Variants in APP observed in about 807,000 individuals in gnomAD.
APP encodes the protein amyloid-beta precursor protein.
Under a neutral mutation model 101.4 loss-of-function variants are expected in APP, and 31 were observed. The observed-to-expected ratio is 0.31, with a 90% CI of 0.23 to 0.41. The LOEUF (loss-of-function observed/expected upper bound fraction) is 0.41, where lower values mean the gene tolerates loss of function less well. Among genes scored for constraint, APP ranks in the 10% least tolerant of loss-of-function variants. The pLI, the probability that APP is intolerant of heterozygous loss-of-function variation, is 1.00. For missense variants in APP, 839 were observed against 1,003.7 expected (o/e 0.84, Z 2.22); for synonymous variants, 366 against 364.4 (o/e 1.00, Z -0.05).
chr21:25,976,692 T>C (rs991879694), intron 9 of APP, among the ~76,000 whole-genome samples: 2 of 152,164 alleles, frequency 1.3e-5, no homozygotes, highest in African/African-American at 4.8e-5. Flanking sequence ...GCAGCAAACA[T>C]GTATTTTTTT....
chr21:26,104,900 C>G (rs1040599347), intron 2 of APP, among the ~76,000 whole-genome samples: 3 of 152,030 alleles, frequency 2.0e-5, no homozygotes, highest in Admixed American at 6.6e-5. Flanking sequence ...AGACTGTTAA[C>G]AGCCACCTCA....
At chr21:25,978,558 A>G (rs1208252726) in intron 9 of APP, among the ~76,000 whole-genome samples, 1 of 152,164 alleles carries the variant, frequency 6.6e-6, no homozygotes, top group Non-Finnish European at 1.5e-5. Context: ...GTGGTACCCA[A>G]TTTTTTATTA....
At position 25,997,374 on chromosome 21, in the gene APP, C is replaced by G. The variant is rs1057524107; in HGVS notation, c.1076G>C (p.Arg359Pro). 3 of 1,613,896 alleles carry G rather than the reference C, an allele frequency of 1.9e-6. No individual in the cohort carries two copies. The highest frequency in any genetic ancestry group is 2.5e-6 in the Non-Finnish European group (3 of 1,179,850). ...LLKTTQEPLA[R>P]DPVKLPTTAA... Reference sequence around the variant, plus strand: ...TGACAACGTACGTTTAACAGGATCTCGGGCAAGAGGTTCCTGGGTAGTCTT... The same window carrying G: ...TGACAACGTACGTTTAACAGGATCTGGGGCAAGAGGTTCCTGGGTAGTCTT... The change falls in exon 8 of 18, where the codon CGA becomes CCA. Residue 359 changes from arginine (R) to proline (P), a missense_variant. Arg to Pro is a moderately radical substitution (Grantham distance 103). Coordinates refer to ENST00000346798, the MANE Select transcript of APP (RefSeq NM_000484.4).
At chr21:26,068,555 CA>C (rs1313229172) in intron 3 of APP, among the ~76,000 whole-genome samples, 2 of 151,912 alleles carry the variant, frequency 1.3e-5, no homozygotes, top group African/African-American at 4.8e-5. Flanking sequence ...TTTGTAGAGA[CA>C]GGGGTCTCGC....
chr21:25,930,892 C>T (rs1340441442), intron 13 of APP, among the ~76,000 whole-genome samples: 1 of 152,202 alleles, frequency 6.6e-6, no homozygotes, highest in African/African-American at 2.4e-5. Context: ...ACAGAAAGCA[C>T]TTCACATGGG....
intron 1 of APP, among the ~76,000 whole-genome samples, chr21:26,153,123 T>C (rs531846496): frequency 3.9e-5 from 6 of 152,240 alleles, no homozygotes; most frequent in African/African-American, 1.2e-4. Context: ...GAGGGACATA[T>C]TGGACTTTAG....
At position 26,054,845 on chromosome 21, in the gene APP, G is replaced by A. The variant is rs113033768; in HGVS notation, c.356-1497C>T. On this transcript the variant is annotated intron_variant, in intron 3 of 17. Coordinates refer to ENST00000346798, the MANE Select transcript of APP (RefSeq NM_000484.4). ...AATGAATGTCTTTCTTTCATAGTAC[G>A]CTATAGGGCATTTTCTGAAATGCAA... Among the ~76,000 whole-genome samples the A allele has an allele frequency of 2.3e-3, 347 of 152,070 alleles. 3 individuals are homozygous for A. The highest frequency in any genetic ancestry group is 7.7e-3 in the African/African-American group (321 of 41,494).
At chr21:25,883,421 G>C (rs941600496) in intron 17 of APP, among the ~76,000 whole-genome samples, 8 of 150,882 alleles carry the variant, frequency 5.3e-5, no homozygotes, top group African/African-American at 2.0e-4. Context: ...AAAAGGCCAG[G>C]TGAGGTGGCT....
rs151010236 is a variant in APP at position 25,905,059 on chromosome 21, C to T, written c.1928G>A (p.Arg643His). 2.2e-5 allele frequency: 36 copies of T among 1,613,664 alleles called. No individual in the cohort carries two copies. Among genetic ancestry groups the T allele is most frequent in the South Asian group, 2.1e-4 (19 of 91,026 alleles). The part of the protein sequence containing the change: ...TENEVEPVDA[R>H]PAADRGLTTR... Reference sequence around the variant, plus strand: ...GGTCAGTCCTCGGTCGGCAGCAGGGCGGGCATCAACAGGCTCAACTGGGCA... The same window carrying T: ...GGTCAGTCCTCGGTCGGCAGCAGGGTGGGCATCAACAGGCTCAACTGGGCA... The change falls in exon 15 of 18, where the codon CGC (arginine) becomes CAC (histidine). Residue 643 changes from arginine (R) to histidine (H), a missense_variant. Physicochemically the swap from Arg to His is conservative, Grantham distance 29 (BLOSUM62 0). Coordinates refer to ENST00000346798, the MANE Select transcript of APP (RefSeq NM_000484.4).
At chr21:25,918,404 C>G (rs572577964) in intron 13 of APP, among the ~76,000 whole-genome samples, 1 of 152,172 alleles carries the variant, frequency 6.6e-6, no homozygotes, top group Non-Finnish European at 1.5e-5. Context: ...GGAACAGCTC[C>G]GGTCTACAGC....
At position 25,895,809 on chromosome 21, in the gene APP, A is replaced by G. The variant is rs559914315; in HGVS notation, c.2064+1764T>C. The stretch of plus-strand genomic sequence containing the variant: ...AAGCAAATCATTAATTAGCTAATAT[A>G]CTAGTGTGAGGTAATCAGGAATAAA... On this transcript the variant is annotated intron_variant, in intron 16 of 17. Transcript: ENST00000346798. Among the ~76,000 whole-genome samples, 14 of 152,342 alleles carry G rather than the reference A, an allele frequency of 9.2e-5. No individual in the cohort carries two copies. The South Asian group carries it at 2.9e-3, about 32-fold the overall frequency.
intron 6 of APP, among the ~76,000 whole-genome samples, chr21:26,010,941 G>A (rs992002242): frequency 2.6e-4 from 39 of 151,992 alleles, no homozygotes; most frequent in African/African-American, 8.7e-4. Flanking sequence ...CAGGTGAATC[G>A]CTTGAACCAT....
intron 13 of APP, chr21:25,934,868 C>T (rs1010521476): frequency 1.3e-5 from 2 of 152,192 alleles, no homozygotes; most frequent in Admixed American, 6.5e-5. Context: ...TCTGAACACC[C>T]GTGTGTTTCA....
chr21:26,013,733 T>C (rs2043923983), intron 6 of APP, among the ~76,000 whole-genome samples: 1 of 152,170 alleles, frequency 6.6e-6, no homozygotes, highest in Non-Finnish European at 1.5e-5. Flanking sequence ...ACTAAACCAC[T>C]GAATTCTCTC....
At chr21:26,072,472 TAAGTTG>T (rs2061425906) in intron 3 of APP, among the ~76,000 whole-genome samples, 2 of 152,320 alleles carry the variant, frequency 1.3e-5, no homozygotes, top group African/African-American at 4.8e-5. Flanking sequence ...AAAATATATT[TAAGTTG>T]AAGTATCTGA....
rs571301823 is a variant in APP at position 26,110,004 on chromosome 21, A to T, written c.225+1975T>A. 8.5e-5 allele frequency among the ~76,000 whole-genome samples: 13 copies of T among 152,340 alleles called. 1 individual carries two copies. In the South Asian group the frequency reaches 2.7e-3, roughly 32 times the overall value. On this transcript the variant is annotated intron_variant, in intron 2 of 17. Coordinates refer to ENST00000346798, the MANE Select transcript of APP (RefSeq NM_000484.4). ...TTCTGATTTATAAAATTTATAACTT[A>T]TCTACACAATTGTACTACAAGAACT...
chr21:25,952,890 C>T (rs575217884), intron 13 of APP, among the ~76,000 whole-genome samples: 9 of 152,226 alleles, frequency 5.9e-5, no homozygotes, highest in Non-Finnish European at 1.2e-4. Flanking sequence ...TTTAAAGGTT[C>T]CTTACTGATG....
At chr21:26,151,150 C>G (rs911401429) in intron 1 of APP, among the ~76,000 whole-genome samples, 1 of 152,158 alleles carries the variant, frequency 6.6e-6, no homozygotes, top group Non-Finnish European at 1.5e-5. Flanking sequence ...GGAAACTTGA[C>G]AGAATTAATG....
chr21:25,881,987 G>A lies in APP; in HGVS notation c.2212-216C>T, dbSNP rs17001455. 0.016 allele frequency among the ~76,000 whole-genome samples: 2,489 copies of A among 152,192 alleles called. 70 individuals are homozygous for A. Among genetic ancestry groups the A allele is most frequent in the African/African-American group, 0.056 (2,314 of 41,534 alleles). ...CTCCATCTAGCCACCAGGTGGCGGTGGAAACCTTGACGCGCTTGCAACGTG... is the reference window on the plus strand; with the variant it reads ...CTCCATCTAGCCACCAGGTGGCGGTAGAAACCTTGACGCGCTTGCAACGTG... On this transcript the variant is annotated intron_variant, in intron 17 of 17. Coordinates refer to ENST00000346798, the MANE Select transcript of APP (RefSeq NM_000484.4).
Sources: gnomAD v4.1 joint callset for allele counts (sites outside exome capture counted in the v4.1 genomes callset) on GRCh38, gnomAD v4.1.1 for gene constraint, MANE v1.5 for transcripts, NCBI Gene and HGNC (gene_info 2026-07-23, HGNC 2026-07-21) for gene names.